DPP10: variants seen among roughly 807,000 people sequenced by gnomAD.
The protein encoded by DPP10 is dipeptidyl peptidase like 10.
Under a neutral mutation model 120.9 loss-of-function variants are expected in DPP10, and 33 were observed. The observed-to-expected ratio is 0.27, with a 90% CI of 0.21 to 0.37. The LOEUF is 0.37. DPP10 is among the 10% of genes least tolerant of loss of function. DPP10 has a pLI of 1.00. For synonymous variants in DPP10, 337 were observed against 326.1 expected (o/e 1.03, Z -0.36); for missense variants, 816 against 942.8 (o/e 0.87, Z 1.76).
chr2:115,422,601 G>T (rs2070078940), intron 3 of DPP10, among the ~76,000 whole-genome samples: 1 of 152,016 alleles, frequency 6.6e-6, no homozygotes, highest in Non-Finnish European at 1.5e-5. Flanking sequence ...AGAATAACTT[G>T]ATATATTTCA....
At chr2:114,869,529 T>C (rs535348904) in intron 1 of DPP10, among the ~76,000 whole-genome samples, 121 of 152,220 alleles carry the variant, frequency 7.9e-4, no homozygotes, top group African/African-American at 2.8e-3. Context: ...CTGGCACCAT[T>C]TATACTGCTG....
chr2:115,546,506 A>G (rs1473979171), intron 5 of DPP10, among the ~76,000 whole-genome samples: 1 of 151,962 alleles, frequency 6.6e-6, no homozygotes, highest in Admixed American at 6.6e-5. Flanking sequence ...ATATCTACCA[A>G]TTTTTCTCAA....
At chr2:115,544,542 T>G (rs918709420) in intron 5 of DPP10, among the ~76,000 whole-genome samples, 1 of 152,064 alleles carries the variant, frequency 6.6e-6, no homozygotes, top group Non-Finnish European at 1.5e-5. Flanking sequence ...TATTTGTCCC[T>G]GAGTTCATTC....
chr2:114,583,384 T>G (rs569544089), intron 1 of DPP10, among the ~76,000 whole-genome samples: 1 of 152,358 alleles, frequency 6.6e-6, no homozygotes, highest in East Asian at 1.9e-4. Context: ...TCAACTTAGC[T>G]ATTATCCTTT....
At chr2:115,463,279 C>A (rs903668623) in intron 3 of DPP10, among the ~76,000 whole-genome samples, 2 of 152,166 alleles carry the variant, frequency 1.3e-5, no homozygotes, top group Non-Finnish European at 2.9e-5. Flanking sequence ...CCACACCTGG[C>A]ATCTGACACA....
In DPP10 at chr2:114,642,898, C is replaced by G. The variant is rs1695816732; in HGVS notation, c.60+200060C>G. On this transcript the variant is annotated intron_variant, in intron 1 of 25. Transcript: ENST00000410059. ...TAACCCATGAAAATAATCACAACATCCTAATCATGTTTTCATCCCTGTTTT... is the reference window on the plus strand; with the variant it reads ...TAACCCATGAAAATAATCACAACATGCTAATCATGTTTTCATCCCTGTTTT... Among the ~76,000 whole-genome samples, 5 of 151,888 alleles carry G rather than the reference C, an allele frequency of 3.3e-5. No homozygotes were observed. The South Asian group carries it at 1.0e-3, about 31-fold the overall frequency.
intron 4 of DPP10, among the ~76,000 whole-genome samples, chr2:115,523,005 A>T (rs966653702): frequency 6.6e-6 from 1 of 152,130 alleles, no homozygotes; most frequent in African/African-American, 2.4e-5. Flanking sequence ...TTGACCTAAG[A>T]TTTCCAACAT....
intron 7 of DPP10, among the ~76,000 whole-genome samples, chr2:115,701,974 G>A (rs962717226): frequency 6.6e-6 from 1 of 152,008 alleles, no homozygotes; most frequent in African/African-American, 2.4e-5. Flanking sequence ...ATCGCAGTAA[G>A]TAGCAAAGTG....
chr2:114,452,596 C>G (rs957607483), intron 1 of DPP10, among the ~76,000 whole-genome samples: 2 of 152,070 alleles, frequency 1.3e-5, no homozygotes, highest in African/African-American at 4.8e-5. Flanking sequence ...TGATCATGGT[C>G]TTTTGAGATC....
chr2:115,036,986 G>C lies in DPP10; in HGVS notation c.61-272253G>C, dbSNP rs535773848. On this transcript the variant is annotated intron_variant, in intron 1 of 25. Coordinates refer to ENST00000410059, the MANE Select transcript of DPP10 (RefSeq NM_020868.6). ...ACCAGGTGACTTTTTTTCTGAGGGA[G>C]AGAAGTAATGGGAGCCATTGTCATT... is the stretch of plus-strand genomic sequence containing the variant. Among the ~76,000 whole-genome samples, 17 of 152,220 alleles carry C rather than the reference G, an allele frequency of 1.1e-4. No individual in the cohort carries two copies. The East Asian group carries it at 3.3e-3, about 29-fold the overall frequency.
At chr2:115,678,600 C>A (rs953179647) in intron 5 of DPP10, among the ~76,000 whole-genome samples, 1 of 152,166 alleles carries the variant, frequency 6.6e-6, no homozygotes, top group Non-Finnish European at 1.5e-5. Context: ...TAGGGCAATG[C>A]AGAAGGAAAA....
At chr2:114,497,193 G>C (rs1383995684) in intron 1 of DPP10, among the ~76,000 whole-genome samples, 1 of 149,470 alleles carries the variant, frequency 6.7e-6, no homozygotes, top group Admixed American at 6.7e-5. Context: ...GTGTATACAT[G>C]TGTATGCATG....
intron 5 of DPP10, among the ~76,000 whole-genome samples, chr2:115,565,392 C>T (rs1376237079): frequency 1.3e-5 from 2 of 152,096 alleles, no homozygotes; most frequent in Admixed American, 6.5e-5. Context: ...GCCCTTTTAG[C>T]TCCAAGTACT....
chr2:115,727,164 G>C (rs979595722), intron 7 of DPP10, among the ~76,000 whole-genome samples: 4 of 152,070 alleles, frequency 2.6e-5, no homozygotes, highest in Non-Finnish European at 5.9e-5. Flanking sequence ...TATTTTGGCA[G>C]ACTGTGCTAT....
intron 2 of DPP10, among the ~76,000 whole-genome samples, chr2:115,338,959 C>T (rs1343030831): frequency 6.6e-6 from 1 of 152,108 alleles, no homozygotes; most frequent in African/African-American, 2.4e-5. Flanking sequence ...ACCTGGATCT[C>T]ATAAATATTG....
At chr2:115,570,472 C>T (rs183624983) in intron 5 of DPP10, among the ~76,000 whole-genome samples, 1 of 152,332 alleles carries the variant, frequency 6.6e-6, no homozygotes, top group African/African-American at 2.4e-5. Context: ...ACATAGTCCA[C>T]ACTTCAGATC....
chr2:115,366,575 T>G (rs1340487679), intron 3 of DPP10, among the ~76,000 whole-genome samples: 1 of 152,124 alleles, frequency 6.6e-6, no homozygotes, highest in Non-Finnish European at 1.5e-5. Context: ...ATCAGTTAAT[T>G]GGCTTATCTA....
intron 1 of DPP10, among the ~76,000 whole-genome samples, chr2:115,091,582 A>G (rs1423012254): frequency 6.6e-6 from 1 of 152,122 alleles, no homozygotes; most frequent in Non-Finnish European, 1.5e-5. Flanking sequence ...TTAAGGGAAA[A>G]AAGTAGAAGA....
intron 5 of DPP10, among the ~76,000 whole-genome samples, chr2:115,632,452 T>G (rs2085953892): frequency 6.6e-6 from 1 of 152,102 alleles, no homozygotes; most frequent in African/African-American, 2.4e-5. Context: ...TCTTTGTTCT[T>G]CAGTGTGTTT....
Sources: allele counts gnomAD v4.1 joint callset (sites outside exome capture counted in the v4.1 genomes callset), GRCh38; gene constraint gnomAD v4.1.1; transcripts MANE v1.5; gene names NCBI Gene and HGNC (gene_info 2026-07-23, HGNC 2026-07-21).